CDYL2: variants seen among roughly 807,000 people sequenced by gnomAD.
The protein encoded by CDYL2 is chromodomain Y like 2.
CDYL2 carries 23 observed loss-of-function variants against 49.4 expected under a neutral mutation model. That is an observed-to-expected ratio of 0.47 (90% CI 0.34 to 0.66). CDYL2 has a LOEUF of 0.66. Ranked by LOEUF, CDYL2 falls within the 30% of genes least tolerant of loss-of-function variation. The pLI, the probability that CDYL2 is intolerant of heterozygous loss-of-function variation, is 0.01. For synonymous variants in CDYL2, 360 were observed against 268.8 expected (o/e 1.34, Z -3.32); for missense variants, 678 against 656.4 (o/e 1.03, Z -0.36).
intron 1 of CDYL2, among the ~76,000 whole-genome samples, chr16:80,748,459 G>A (rs1359494542): frequency 1.5e-5 from 2 of 137,758 alleles, no homozygotes; most frequent in Non-Finnish European, 3.1e-5. Flanking sequence ...CCTGGGAGGC[G>A]GATCGCGCCA....
intron 2 of CDYL2, among the ~76,000 whole-genome samples, chr16:80,679,188 G>A: frequency 6.6e-6 from 1 of 151,712 alleles, no homozygotes; most frequent in Admixed American, 6.6e-5. Flanking sequence ...GGTGCATTGT[G>A]CCAGCATGTC....
chr16:80,719,270 G>A (rs75411830), intron 1 of CDYL2, among the ~76,000 whole-genome samples: 2,553 of 152,174 alleles, frequency 0.017, 20 homozygotes, highest in African/African-American at 0.028. Context: ...CCCAGGCCCC[G>A]GAAGAGGCTG....
At position 80,633,104 on chromosome 16, in the gene CDYL2, C is replaced by T. The variant is rs773366284; in HGVS notation, c.749G>A (p.Arg250Gln). 2 of 1,614,142 alleles carry T rather than the reference C, an allele frequency of 1.2e-6. No individual in the cohort carries two copies. Among genetic ancestry groups the T allele is most frequent in the South Asian group, 1.1e-5 (1 of 91,068 alleles). Residue 250 changes from arginine to glutamine, a missense_variant, in exon 3 of 7, where the codon CGA (arginine) becomes CAA (glutamine). Transcript: ENST00000570137. ...VRQNESNCRF[R>Q]DIVVRKEEGF... ...TTCTTCCTTCCGCACAACGATGTCT[C>T]GAAACCGACAGTTGCTTTCATTCTG...
At chr16:80,618,275 G>A (rs1906920668) in intron 4 of CDYL2, among the ~76,000 whole-genome samples, 1 of 152,178 alleles carries the variant, frequency 6.6e-6, no homozygotes, top group South Asian at 2.1e-4. Flanking sequence ...TTGGGCCTCA[G>A]GCCCCAGCCA....
intron 2 of CDYL2, among the ~76,000 whole-genome samples, chr16:80,669,250 C>T (rs1020818603): frequency 1.3e-5 from 2 of 151,692 alleles, no homozygotes; most frequent in African/African-American, 2.4e-5. Flanking sequence ...CCGGCCTGGC[C>T]GAGCAGAGGA....
At chr16:80,788,856 G>C (rs1420740153) in intron 1 of CDYL2, among the ~76,000 whole-genome samples, 3 of 151,942 alleles carry the variant, frequency 2.0e-5, no homozygotes, top group African/African-American at 7.3e-5. Flanking sequence ...CCTCATCAAA[G>C]GACTAATACC....
rs1403708630 is a variant in CDYL2, at chr16:80,684,729, C to A, written c.425G>T (p.Ser142Ile). Residue 142 changes from serine to isoleucine, a missense_variant, in exon 2 of 7, where the codon AGT (serine) becomes ATT (isoleucine). Physicochemically the swap from Ser to Ile is moderately radical, Grantham distance 142. Transcript: ENST00000570137. ...TKTVSYRTTP[S>I]GLQIMPLKKS... ...TTTCAGGGGCATTATTTGCAAACCA[C>A]TGGGGGTAGTCCTGTAAGACACCGT... 1 of 1,614,174 alleles carries A rather than the reference C, an allele frequency of 6.2e-7. No individual in the cohort carries two copies. The highest frequency in any genetic ancestry group is 8.5e-7 in the Non-Finnish European group (1 of 1,180,042).
chr16:80,751,403 G>A (rs1597115394), intron 1 of CDYL2, among the ~76,000 whole-genome samples: 2 of 152,300 alleles, frequency 1.3e-5, no homozygotes, highest in Admixed American at 1.3e-4. Flanking sequence ...GCCAGCTCTT[G>A]AGCAGTATAG....
At chr16:80,766,422 A>C (rs1015434425) in intron 1 of CDYL2, among the ~76,000 whole-genome samples, 2 of 152,198 alleles carry the variant, frequency 1.3e-5, no homozygotes, top group South Asian at 2.1e-4. Context: ...GAAGGCTGAA[A>C]ATTTTCATAG....
At chr16:80,705,842 T>C (rs939546037) in intron 1 of CDYL2, among the ~76,000 whole-genome samples, 4 of 152,290 alleles carry the variant, frequency 2.6e-5, no homozygotes, top group Non-Finnish European at 5.9e-5. Flanking sequence ...CCTGTGGCCA[T>C]AGTTTGCCAA....
chr16:80,603,515 C>G lies in CDYL2; in HGVS notation c.*873G>C, dbSNP rs955458753. The G allele has an allele frequency of 6.6e-6, 1 of 152,288 alleles. No homozygotes were observed. The highest frequency in any genetic ancestry group is 2.4e-5 in the African/African-American group (1 of 41,464). 9.4% of individuals were successfully genotyped at this position (152,288 alleles called of 1,614,324 possible). ...CGCTATTCCTTTTGTCCACAGAAAT[C>G]CTTCTGTTTTCATCTCTCTAAACTT... On this transcript the variant is annotated 3_prime_UTR_variant, in exon 7 of 7. Transcript: ENST00000570137.
chr16:80,710,897 G>A (rs550651123), intron 1 of CDYL2, among the ~76,000 whole-genome samples: 5 of 152,288 alleles, frequency 3.3e-5, no homozygotes, highest in East Asian at 3.9e-4. Flanking sequence ...TATTTATTTC[G>A]AGATGTGAAG....
chr16:80,650,596 G>A (rs1247326517), intron 2 of CDYL2, among the ~76,000 whole-genome samples: 1 of 152,164 alleles, frequency 6.6e-6, no homozygotes, highest in Non-Finnish European at 1.5e-5. Flanking sequence ...AATACCATGT[G>A]ATCCAGCAAT....
chr16:80,708,806 T>C (rs957317480), intron 1 of CDYL2, among the ~76,000 whole-genome samples: 1 of 152,132 alleles, frequency 6.6e-6, no homozygotes, highest in African/African-American at 2.4e-5. Context: ...GTAGTTCAGG[T>C]TGTTCTCAGT....
rs1172361316 is a variant in CDYL2 at position 80,651,729 on chromosome 16, C to T, written c.617-18493G>A. 2.6e-5 allele frequency among the ~76,000 whole-genome samples: 4 copies of T among 152,186 alleles called. No individual in the cohort carries two copies. The East Asian group carries it at 7.7e-4, about 29-fold the overall frequency. The stretch of plus-strand genomic sequence containing the variant: ...GGAAATATGGTGCCGACATAAATAA[C>T]TTTAGAAATGAGCGGAGTTTGTGAA... On this transcript the variant is annotated intron_variant, in intron 2 of 6. Coordinates refer to ENST00000570137, the MANE Select transcript of CDYL2 (RefSeq NM_152342.4).
intron 6 of CDYL2, among the ~76,000 whole-genome samples, chr16:80,607,237 T>TA (rs1255639599): frequency 1.3e-5 from 2 of 151,198 alleles, no homozygotes; most frequent in African/African-American, 2.5e-5. Flanking sequence ...GGGCAAGACT[T>TA]AAACACAGTA....
At chr16:80,685,974 G>C (rs9926868) in intron 1 of CDYL2, among the ~76,000 whole-genome samples, 13,267 of 152,264 alleles carry the variant, frequency 0.087, 983 homozygotes, top group African/African-American at 0.2. Flanking sequence ...GAGGCAAAGA[G>C]ATAGGTAACA....
At chr16:80,719,031 G>T (rs573717820) in intron 1 of CDYL2, among the ~76,000 whole-genome samples, 19 of 152,330 alleles carry the variant, frequency 1.2e-4, no homozygotes, top group South Asian at 1.0e-3. Flanking sequence ...CGCTCCCAGA[G>T]AATTGGGCAG....
intron 1 of CDYL2, among the ~76,000 whole-genome samples, chr16:80,780,191 C>G (rs774721099): frequency 1.2e-4 from 18 of 152,020 alleles, no homozygotes; most frequent in African/African-American, 4.3e-4. Context: ...ATTCTACAAA[C>G]TTCTAAAAGA....
Sources: gnomAD v4.1 joint callset for allele counts (sites outside exome capture counted in the v4.1 genomes callset) on GRCh38, gnomAD v4.1.1 for gene constraint, MANE v1.5 for transcripts, NCBI Gene and HGNC (gene_info 2026-07-23, HGNC 2026-07-21) for gene names.